LRPPRC: variants seen among roughly 807,000 people sequenced by gnomAD.
LRPPRC encodes the protein leucine rich pentatricopeptide repeat containing, also known as leucine-rich PPR motif-containing protein, mitochondrial.
In LRPPRC, 120 loss-of-function variants were observed where a neutral mutation model predicts 180.3. The ratio of observed to expected loss-of-function variants is 0.67; its 90% CI spans 0.57 to 0.77. The LOEUF is 0.77. Ranked by LOEUF, LRPPRC falls within the 30% of genes least tolerant of loss-of-function variation. The pLI is 0.00. For synonymous variants in LRPPRC, 723 were observed against 600.0 expected (o/e 1.21, Z -3.00); for missense variants, 2,012 against 1,657.2 (o/e 1.21, Z -3.72).
intron 1 of LRPPRC, among the ~76,000 whole-genome samples, chr2:43,991,229 A>C (rs1018762006): frequency 6.6e-6 from 1 of 151,876 alleles, no homozygotes; most frequent in Non-Finnish European, 1.5e-5. Context: ...ACAGAATTTC[A>C]CCATGTTGGC....
chr2:43,986,918 G>GAGCC (rs991526528), intron 1 of LRPPRC, among the ~76,000 whole-genome samples: 5 of 152,200 alleles, frequency 3.3e-5, no homozygotes, highest in African/African-American at 1.2e-4. Flanking sequence ...AGTTTTCATA[G>GAGCC]AGCCGCTCTC....
chr2:43,891,147 C>T (rs1572885048), intron 36 of LRPPRC, among the ~76,000 whole-genome samples: 1 of 152,200 alleles, frequency 6.6e-6, no homozygotes. Context: ...CTTTATTTCC[C>T]TTCCTGAGGA....
intron 18 of LRPPRC, 35 bp from the exon 19 acceptor site, chr2:43,947,810 A>C (rs1177087335): frequency 2.2e-6 from 3 of 1,349,820 alleles, no homozygotes; most frequent in African/African-American, 2.9e-5. Context: ...CAGAATTAGA[A>C]AACACACGTA....
intron 27 of LRPPRC, among the ~76,000 whole-genome samples, chr2:43,922,351 TTAAG>T (rs1485637543): frequency 1.3e-5 from 2 of 152,196 alleles, no homozygotes; most frequent in Non-Finnish European, 2.9e-5. Flanking sequence ...TACAACAAAA[TTAAG>T]TGTGTATTAA....
chr2:43,985,181 A>T (rs1413246084), intron 1 of LRPPRC, among the ~76,000 whole-genome samples: 1 of 152,096 alleles, frequency 6.6e-6, no homozygotes, highest in Non-Finnish European at 1.5e-5. Flanking sequence ...TGATAAGCAG[A>T]GACTGACTAG....
intron 13 of LRPPRC, among the ~76,000 whole-genome samples, chr2:43,958,154 ACC>A (rs1242625765): frequency 6.6e-6 from 1 of 152,156 alleles, no homozygotes; most frequent in Non-Finnish European, 1.5e-5. Context: ...TCTTCACATA[ACC>A]CTTGCCAAAC....
At chr2:43,907,843 G>A (rs1007124011) in intron 30 of LRPPRC, among the ~76,000 whole-genome samples, 1 of 152,124 alleles carries the variant, frequency 6.6e-6, no homozygotes, top group Admixed American at 6.5e-5. Context: ...AGAATTTATT[G>A]CTCTGAAATG....
rs187274438 is a variant in LRPPRC, at chr2:43,945,412, C to T, written c.2216G>A (p.Arg739His). 12 of 1,605,100 alleles carry T rather than the reference C, an allele frequency of 7.5e-6. No individual in the cohort carries two copies. The highest frequency in any genetic ancestry group is 5.0e-5 in the Admixed American group (3 of 59,924). ...DALNLKEEFDRLDSSAVLDTG... is the reference protein window; with the variant it reads ...DALNLKEEFDHLDSSAVLDTG... ...GTCAAGGACAGCAGATGAATCTAAG[C>T]GGTCACTAAAAATTAAAGCCACATT... Residue 739 changes from arginine to histidine, a missense_variant, in exon 22 of 38, where the codon CGC (arginine) becomes CAC (histidine). Arg to His is a conservative substitution (Grantham distance 29). Transcript: ENST00000260665.
chr2:43,917,808 G>C (rs567527974), intron 29 of LRPPRC, among the ~76,000 whole-genome samples: 1 of 152,016 alleles, frequency 6.6e-6, no homozygotes, highest in East Asian at 1.9e-4. Context: ...AATAAAAAGA[G>C]TAATTCCTTA....
chr2:43,972,377 A>T (rs1673859988), intron 11 of LRPPRC, among the ~76,000 whole-genome samples: 15 of 152,244 alleles, frequency 9.9e-5, no homozygotes. Context: ...ATGTTTACTA[A>T]GTAGTAAAAA....
upstream of LRPPRC, chr2:43,996,139 C>T (rs190945903): frequency 1.3e-5 from 7 of 545,230 alleles, no homozygotes; most frequent in African/African-American, 1.0e-4. Context: ...GTAATATTTA[C>T]ATAAACGATG....
chr2:43,915,781 T>C (rs1397071538), intron 29 of LRPPRC, among the ~76,000 whole-genome samples: 2 of 152,096 alleles, frequency 1.3e-5, no homozygotes, highest in Admixed American at 1.3e-4. Flanking sequence ...TGCCACAAAA[T>C]TTCTTTCTTT....
intron 3 of LRPPRC, 37 bp downstream of exon 3, chr2:43,979,789 C>T (rs747870681): frequency 2.4e-5 from 39 of 1,600,288 alleles, no homozygotes; most frequent in African/African-American, 5.4e-5. Context: ...AAAACATCTA[C>T]ACCTTTTATA....
chr2:43,949,693 G>C (rs761846018), intron 15 of LRPPRC, 34 bp from the exon 16 acceptor site: 1 of 1,415,908 alleles, frequency 7.1e-7, no homozygotes, highest in South Asian at 1.2e-5. Flanking sequence ...ATTGCAGCAA[G>C]AGAAGCAAAC....
At chr2:43,915,049 A>T (rs1384403564) in intron 29 of LRPPRC, among the ~76,000 whole-genome samples, 3 of 74,032 alleles carry the variant, frequency 4.1e-5, no homozygotes, top group African/African-American at 2.8e-4. Context: ...CTCTACTAAA[A>T]ATACAAAAAA....
intron 14 of LRPPRC, 67 bp downstream of exon 14, chr2:43,957,318 A>G (rs1673158823): frequency 7.6e-6 from 8 of 1,048,194 alleles, no homozygotes; most frequent in South Asian, 2.5e-5. Context: ...TCCTCATGCA[A>G]TAAGTCAAAA....
chr2:43,994,206 G>T (rs2103789528), intron 1 of LRPPRC, among the ~76,000 whole-genome samples: 1 of 152,366 alleles, frequency 6.6e-6, no homozygotes, highest in East Asian at 1.9e-4. Flanking sequence ...TCAGAGGCAT[G>T]ATTTCGGAAA....
At chr2:43,993,741 A>G (rs1217824559) in intron 1 of LRPPRC, among the ~76,000 whole-genome samples, 2 of 151,264 alleles carry the variant, frequency 1.3e-5, no homozygotes, top group African/African-American at 4.9e-5. Context: ...TACTAAAGAA[A>G]AAAAAAAAAA....
At position 43,912,359 on chromosome 2, in the gene LRPPRC, A is replaced by G. The variant is rs766062246; in HGVS notation, c.3275+73T>C. 18 of 1,345,400 alleles carry G rather than the reference A, an allele frequency of 1.3e-5. No individual in the cohort carries two copies. In the South Asian group the frequency reaches 1.4e-4, roughly 11 times the overall value. 83.3% of individuals were successfully genotyped at this position (1,345,400 alleles called of 1,614,324 possible). ...CAATTTTACTACACAGCACATTACT[A>G]TTATAATTATTGGCTAATGGCAGCC... On this transcript the variant is annotated intron_variant, in intron 30 of 37. Transcript: ENST00000260665.
Sources: allele counts gnomAD v4.1 joint callset (sites outside exome capture counted in the v4.1 genomes callset), GRCh38; gene constraint gnomAD v4.1.1; transcripts MANE v1.5; gene names NCBI Gene and HGNC (gene_info 2026-07-23, HGNC 2026-07-21).